The following MIP variants were observed in gnomAD, a reference collection of about 807,000 sequenced individuals.
The protein encoded by MIP is lens fiber major intrinsic protein.
A neutral mutation model predicts 21.8 loss-of-function variants in MIP; 14 were observed. The observed-to-expected ratio is 0.64, with a 90% CI of 0.42 to 1.00. The LOEUF (loss-of-function observed/expected upper bound fraction) is 1.00, where lower values mean the gene tolerates loss of function less well. MIP is among the 50% of genes least tolerant of loss of function. The pLI is 0.00. For missense variants in MIP, 260 were observed against 333.5 expected (o/e 0.78, Z 1.72); for synonymous variants, 133 against 141.4 (o/e 0.94, Z 0.42).
At chr12:56,454,213 C>A (rs1267813590) in intron 1 of MIP, 41 bp downstream of exon 1, 1 of 1,613,660 alleles carries the variant, frequency 6.2e-7, no homozygotes, top group Admixed American at 1.7e-5. Context: ...AATAGAGAGA[C>A]AGGACACCAG....
chr12:56,454,991 CT>C (rs527530159), upstream of MIP, among the ~76,000 whole-genome samples: 262 of 152,234 alleles, frequency 1.7e-3, no homozygotes, highest in Middle Eastern at 6.8e-3. Context: ...TACTCTTCAG[CT>C]CTCTTTGGAA....
upstream of MIP, chr12:56,454,762 G>A (rs1179658130): frequency 3.3e-6 from 3 of 897,224 alleles, no homozygotes; most frequent in African/African-American, 3.4e-5. Flanking sequence ...CAGCTGTGGA[G>A]GGCTAAGTCC....
Position 56,449,730 on chromosome 12 carries a change from G to A in MIP, c.*1550C>T, listed in dbSNP as rs1441963646. On this transcript the variant is annotated 3_prime_UTR_variant, in exon 4 of 4. Transcript: ENST00000652304. ...AGTACAGGGAGGAATGGTCTTCTGG[G>A]ATAGGGGATGTCCGTTGTATTATAG... 1.3e-5 allele frequency: 2 copies of A among 152,190 alleles called. No homozygotes were observed. The highest frequency in any genetic ancestry group is 3.8e-4 in the East Asian group (2 of 5,204). The allele number at this position is 152,190 out of a possible 1,614,324, so 9.4% of individuals were successfully genotyped here. A position where few individuals can be genotyped will look rare whatever the true frequency, so the allele number is the denominator to read the frequency against.
At chr12:56,456,127 A>G (rs1452877553), upstream of MIP, among the ~76,000 whole-genome samples, 7 of 152,202 alleles carry the variant, frequency 4.6e-5, no homozygotes, top group Non-Finnish European at 1.0e-4. Context: ...AAGCCTCATC[A>G]GTCTCCTGAC....
rs1463388264 is a variant in MIP at position 56,454,334 on chromosome 12, G to T, written c.280C>A (p.Leu94Ile). The part of the protein sequence containing the change: ...LRAFCYMAAQ[L>I]LGAVAGAAVL... ...GCGGCCCCAGCCACAGCTCCCAGGA[G>T]CTGGGCTGCCATATAGCAGAAGGCA... is the stretch of plus-strand genomic sequence containing the variant. The change falls in exon 1 of 4, where the codon CTC becomes ATC. Residue 94 changes from leucine (L) to isoleucine (I), a missense_variant. By Grantham distance (5) the Leu-to-Ile change is conservative. Transcript: ENST00000652304. The T allele has an allele frequency of 6.2e-7, 1 of 1,613,766 alleles. No homozygotes were observed. Among genetic ancestry groups the T allele is most frequent in the Non-Finnish European group, 8.5e-7 (1 of 1,179,992 alleles).
In MIP at chr12:56,454,508, G is replaced by C. The variant is rs1337433964; in HGVS notation, c.106C>G (p.Pro36Ala). The C allele has an allele frequency of 6.2e-7, 1 of 1,612,892 alleles. No homozygotes were observed. Among genetic ancestry groups the C allele is most frequent in the Non-Finnish European group, 8.5e-7 (1 of 1,179,270 alleles). The change falls in exon 1 of 4, where the codon CCT (proline) becomes GCT (alanine). Residue 36 changes from proline (P) to alanine (A), a missense_variant. Pro to Ala is a conservative substitution (Grantham distance 27). Coordinates refer to ENST00000652304, the MANE Select transcript of MIP (RefSeq NM_012064.4). Reference protein sequence around the residue: ...FGLGSSLRWAPGPLHVLQVAM... With the variant: ...FGLGSSLRWAAGPLHVLQVAM... ...ACCTGCAGAACATGCAGGGGTCCAGGAGCCCAGCGCAGTGAGGACCCCAGC... is the reference window on the plus strand; with the variant it reads ...ACCTGCAGAACATGCAGGGGTCCAGCAGCCCAGCGCAGTGAGGACCCCAGC...
chr12:56,453,230 G>T, intron 2 of MIP, 78 bp from the exon 3 acceptor site: 1 of 1,045,978 alleles, frequency 9.6e-7, no homozygotes, highest in Non-Finnish European at 1.5e-6. Flanking sequence ...CATTGCCCCT[G>T]AGAGCTGCCA....
chr12:56,453,146 A>C lies in MIP; in HGVS notation c.532T>G (p.Tyr178Asp). The C allele has an allele frequency of 6.2e-7, 1 of 1,611,978 alleles. No homozygotes were observed. Among genetic ancestry groups the C allele is most frequent in the Non-Finnish European group, 8.5e-7 (1 of 1,178,046 alleles). Residue 178 changes from tyrosine to aspartate, a missense_variant, in exon 3 of 4, where the codon TAT (tyrosine) becomes GAT (aspartate). Transcript: ENST00000652304. ...LALGHLFGMY[Y>D]TGAGMNPARS... The stretch of plus-strand genomic sequence containing the variant: ...GCAGGATTCATGCCTGCACCAGTAT[A>C]ATACATCTGCAAAAGAGACAGTTGT...
intron 3 of MIP, 105 bp from the exon 4 acceptor site, chr12:56,451,570 T>C (rs1339262563): frequency 1.1e-6 from 1 of 916,590 alleles, no homozygotes; most frequent in African/African-American, 1.7e-5. Flanking sequence ...GTACACTTGA[T>C]ATCTACAATA....
chr12:56,454,641 G>A lies in MIP; in HGVS notation c.-28C>T, dbSNP rs1868740327. Reference sequence around the variant, plus strand: ...CAGGGGGGATGGTCACAGTGCCTGGGTCCCTGCTACCCCCATGGCCTTGTC... The same window carrying A: ...CAGGGGGGATGGTCACAGTGCCTGGATCCCTGCTACCCCCATGGCCTTGTC... On this transcript the variant is annotated 5_prime_UTR_variant, in exon 1 of 4. Coordinates refer to ENST00000652304, the MANE Select transcript of MIP (RefSeq NM_012064.4). 6.2e-7 allele frequency: 1 copy of A among 1,612,792 alleles called. No individual in the cohort carries two copies. The highest frequency in any genetic ancestry group is 8.5e-7 in the Non-Finnish European group (1 of 1,179,860).
upstream of MIP, among the ~76,000 whole-genome samples, chr12:56,456,217 T>G: frequency 6.6e-6 from 1 of 152,168 alleles, no homozygotes. Flanking sequence ...TCAGGAAGCA[T>G]GCAGGGTTCA....
upstream of MIP, chr12:56,454,770 T>C: frequency 1.3e-6 from 1 of 785,836 alleles, no homozygotes; most frequent in South Asian, 1.9e-5. Flanking sequence ...GAGGGCTAAG[T>C]CCCCTCCCCT....
At chr12:56,453,985 G>A (rs1245550313) in intron 1 of MIP, among the ~76,000 whole-genome samples, 1 of 152,134 alleles carries the variant, frequency 6.6e-6, no homozygotes, top group Non-Finnish European at 1.5e-5. Context: ...GGCCTTGAAA[G>A]GTAAAATAAG....
At position 56,453,826 on chromosome 12, in the gene MIP, G is replaced by A. The variant is rs548015965; in HGVS notation, c.361-71C>T. 1.1e-3 allele frequency: 1,597 copies of A among 1,495,846 alleles called. 3 individuals are homozygous for A. The highest frequency in any genetic ancestry group is 1.3e-3 in the Non-Finnish European group (1,437 of 1,091,820). The allele number at this position is 1,495,846 out of a possible 1,614,324, so 92.7% of individuals were successfully genotyped here. A position where few individuals can be genotyped will look rare whatever the true frequency, so the allele number is the denominator to read the frequency against. The stretch of plus-strand genomic sequence containing the variant: ...AGTGTTACCTCCTCAAGACTTCCCC[G>A]GCAAGGATCTCGTTACGGCATCAGG... On this transcript the variant is annotated intron_variant, in intron 1 of 3. Coordinates refer to ENST00000652304, the MANE Select transcript of MIP (RefSeq NM_012064.4).
At chr12:56,451,609 A>C (rs1868622378) in intron 3 of MIP, 144 bp from the exon 4 acceptor site, 1 of 683,720 alleles carries the variant, frequency 1.5e-6, no homozygotes, top group African/African-American at 1.8e-5. Flanking sequence ...TGATTCATCA[A>C]ATTACTCCTT....
upstream of MIP, chr12:56,454,783 A>G (rs758450850): frequency 5.6e-6 from 4 of 709,776 alleles, no homozygotes; most frequent in East Asian, 2.8e-5. Flanking sequence ...CCTCCCCTAC[A>G]TGGTAAAAAT....
At chr12:56,453,872 T>C (rs1868705035) in intron 1 of MIP, 117 bp from the exon 2 acceptor site, 2 of 990,082 alleles carry the variant, frequency 2.0e-6, no homozygotes, top group Non-Finnish European at 3.1e-6. Flanking sequence ...GGAAGGATAA[T>C]ACAACCCCCT....
At chr12:56,453,987 T>C (rs986826656) in intron 1 of MIP, among the ~76,000 whole-genome samples, 2 of 152,096 alleles carry the variant, frequency 1.3e-5, no homozygotes, top group African/African-American at 4.8e-5. Flanking sequence ...CCTTGAAAGG[T>C]AAAATAAGTT....
intron 1 of MIP, 96 bp downstream of exon 1, chr12:56,454,158 A>C: frequency 6.5e-7 from 1 of 1,533,538 alleles, no homozygotes; most frequent in Non-Finnish European, 9.0e-7. Flanking sequence ...ATTGTCCCAG[A>C]CCCCAGGGGA....
Sources: gnomAD v4.1 joint callset for allele counts (sites outside exome capture counted in the v4.1 genomes callset) on GRCh38, gnomAD v4.1.1 for gene constraint, MANE v1.5 for transcripts, NCBI Gene and HGNC (gene_info 2026-07-23, HGNC 2026-07-21) for gene names.